Variants in PTPRD observed in about 807,000 individuals in gnomAD.
PTPRD encodes receptor-type tyrosine-protein phosphatase delta.
Under a neutral mutation model 214.5 loss-of-function variants are expected in PTPRD, and 34 were observed. The observed-to-expected ratio is 0.16, with a 90% CI of 0.12 to 0.21. The LOEUF is 0.21. Among genes scored for constraint, PTPRD ranks in the 10% least tolerant of loss-of-function variants. The pLI is 1.00. For missense variants in PTPRD, 2,545 were observed against 2,398.7 expected (o/e 1.06, Z -1.27); for synonymous variants, 1,128 against 845.7 (o/e 1.33, Z -5.79).
rs551992624 is a variant in PTPRD, at chr9:8,368,648, T to C, written c.4661+7288A>G. 4.7e-5 allele frequency among the ~76,000 whole-genome samples: 7 copies of C among 150,046 alleles called. No individual in the cohort carries two copies. In the South Asian group the frequency reaches 1.5e-3, roughly 32 times the overall value. ...TTTGAGTTTTACACTTTATACCTAC[T>C]GGGGACACTATGCAATTCCTTTTAA... On this transcript the variant is annotated intron_variant, in intron 39 of 45. Coordinates refer to ENST00000381196, the MANE Select transcript of PTPRD (RefSeq NM_002839.4).
At chr9:10,259,342 G>A (rs541956245) in intron 3 of PTPRD, among the ~76,000 whole-genome samples, 12 of 152,234 alleles carry the variant, frequency 7.9e-5, no homozygotes, top group Admixed American at 2.6e-4. Context: ...TTTCTTATGT[G>A]TAGTGATTGA....
intron 3 of PTPRD, among the ~76,000 whole-genome samples, chr9:10,313,219 T>A (rs1278122741): frequency 6.6e-6 from 1 of 151,934 alleles, no homozygotes; most frequent in Non-Finnish European, 1.5e-5. Flanking sequence ...ACCATCCCGA[T>A]AATTCCTGAT....
intron 37 of PTPRD, among the ~76,000 whole-genome samples, chr9:8,382,886 G>A (rs958291535): frequency 1.7e-4 from 26 of 152,272 alleles, no homozygotes; most frequent in African/African-American, 6.3e-4. Flanking sequence ...AAATGTTCAC[G>A]GCCTTTGGCG....
At chr9:10,042,876 C>A (rs940826520) in intron 3 of PTPRD, among the ~76,000 whole-genome samples, 1 of 151,844 alleles carries the variant, frequency 6.6e-6, no homozygotes, top group African/African-American at 2.4e-5. Flanking sequence ...GAAATTATTT[C>A]TTTACCTAAT....
chr9:9,840,355 A>G (rs1279135351), intron 5 of PTPRD, among the ~76,000 whole-genome samples: 1 of 152,134 alleles, frequency 6.6e-6, no homozygotes, highest in Non-Finnish European at 1.5e-5. Context: ...GGAAAACACA[A>G]ATTTAATCAG....
At chr9:10,587,137 G>T (rs1466053900) in intron 2 of PTPRD, among the ~76,000 whole-genome samples, 1 of 152,026 alleles carries the variant, frequency 6.6e-6, no homozygotes, top group Non-Finnish European at 1.5e-5. Context: ...ATCATGAAAA[G>T]ACCCATTGTG....
chr9:10,361,017 G>C (rs146509307), intron 2 of PTPRD, among the ~76,000 whole-genome samples: 1 of 152,068 alleles, frequency 6.6e-6, no homozygotes, highest in Non-Finnish European at 1.5e-5. Flanking sequence ...CAGGAGAATG[G>C]CGTGAACACG....
At chr9:9,649,896 A>AT (rs1425493098) in intron 7 of PTPRD, among the ~76,000 whole-genome samples, 2 of 152,186 alleles carry the variant, frequency 1.3e-5, no homozygotes, top group Non-Finnish European at 2.9e-5. Flanking sequence ...TGAAATAAAT[A>AT]TATTTGGAGC....
chr9:9,224,993 C>G (rs903482212), intron 9 of PTPRD, among the ~76,000 whole-genome samples: 1 of 151,890 alleles, frequency 6.6e-6, no homozygotes, highest in African/African-American at 2.4e-5. Context: ...TAACTTGATC[C>G]AGTGAATTGG....
chr9:9,384,007 T>A (rs1033000660), intron 9 of PTPRD, among the ~76,000 whole-genome samples: 3 of 151,858 alleles, frequency 2.0e-5, no homozygotes, highest in African/African-American at 7.3e-5. Context: ...ACACAAAAAG[T>A]CTAATAAGCA....
chr9:9,884,338 G>C (rs1035044586), intron 5 of PTPRD, among the ~76,000 whole-genome samples: 8 of 152,058 alleles, frequency 5.3e-5, no homozygotes, highest in Non-Finnish European at 8.8e-5. Flanking sequence ...TACCCTAAAA[G>C]CAAGAAAGCA....
intron 6 of PTPRD, among the ~76,000 whole-genome samples, chr9:9,753,290 ACACT>A (rs1379657701): frequency 6.6e-6 from 1 of 151,928 alleles, no homozygotes; most frequent in Non-Finnish European, 1.5e-5. Context: ...GTTTCAAAAA[ACACT>A]CAATAACACC....
At chr9:9,517,470 T>G (rs747389223) in intron 8 of PTPRD, among the ~76,000 whole-genome samples, 2 of 152,054 alleles carry the variant, frequency 1.3e-5, no homozygotes, top group Non-Finnish European at 2.9e-5. Context: ...AGATGGCCCC[T>G]ATAACACAAC....
chr9:9,364,737 A>G (rs922034742), intron 9 of PTPRD, among the ~76,000 whole-genome samples: 6 of 151,522 alleles, frequency 4.0e-5, no homozygotes, highest in Non-Finnish European at 8.9e-5. Flanking sequence ...TTAGGCTGCT[A>G]TAAGAATTGT....
chr9:10,385,242 T>A (rs968508008), intron 2 of PTPRD, among the ~76,000 whole-genome samples: 4 of 151,828 alleles, frequency 2.6e-5, no homozygotes, highest in Non-Finnish European at 4.4e-5. Flanking sequence ...GAAAATATCA[T>A]ACATATCCTC....
chr9:8,545,230 C>T (rs1269942881), intron 14 of PTPRD, among the ~76,000 whole-genome samples: 2 of 152,084 alleles, frequency 1.3e-5, no homozygotes, highest in Admixed American at 6.5e-5. Flanking sequence ...GGATATTATT[C>T]GTTTTCATAC....
chr9:10,466,223 AG>A lies in PTPRD; in HGVS notation c.-599-125207del, dbSNP rs764411559. The stretch of plus-strand genomic sequence containing the variant: ...ACAATGAGAAAACTGATGCTCAGGA[AG>A]CCTAATATCTAGCCTGAAATTATAC... On this transcript the variant is annotated intron_variant, in intron 2 of 45. Coordinates refer to ENST00000381196, the MANE Select transcript of PTPRD (RefSeq NM_002839.4). Among the ~76,000 whole-genome samples, 4 of 152,276 alleles carry A rather than the reference AG, an allele frequency of 2.6e-5. No individual in the cohort carries two copies. In the East Asian group the frequency reaches 5.8e-4, roughly 22 times the overall value.
chr9:8,526,224 A>AT (rs1436462445), intron 17 of PTPRD, among the ~76,000 whole-genome samples: 3 of 151,404 alleles, frequency 2.0e-5, no homozygotes, highest in Non-Finnish European at 4.4e-5. Flanking sequence ...AAGAAAAAAA[A>AT]TGATCTTTTT....
chr9:9,862,474 C>T (rs994188033), intron 5 of PTPRD, among the ~76,000 whole-genome samples: 3 of 152,192 alleles, frequency 2.0e-5, no homozygotes, highest in African/African-American at 7.2e-5. Context: ...AGCCATCTTC[C>T]TTGGGCTTAG....
Sources: allele counts gnomAD v4.1 joint callset (sites outside exome capture counted in the v4.1 genomes callset), GRCh38; gene constraint gnomAD v4.1.1; transcripts MANE v1.5; gene names NCBI Gene and HGNC (gene_info 2026-07-23, HGNC 2026-07-21).